INPP5D: variants seen among roughly 807,000 people sequenced by gnomAD.
INPP5D encodes phosphatidylinositol 3,4,5-trisphosphate 5-phosphatase 1.
A neutral mutation model predicts 122.9 loss-of-function variants in INPP5D; 33 were observed. The observed-to-expected ratio is 0.27, with a 90% CI of 0.20 to 0.36. The LOEUF is 0.36. INPP5D is among the 10% of genes least tolerant of loss of function. INPP5D has a pLI of 1.00. For missense variants in INPP5D, 1,053 were observed against 1,412.7 expected, an observed-to-expected ratio of 0.75 and a Z score of 4.08; for synonymous variants, 584 against 576.2, an observed-to-expected ratio of 1.01 and a Z score of -0.19.
At chr2:233,178,056 A>T (rs1409983846) in intron 18 of INPP5D, among the ~76,000 whole-genome samples, 1 of 152,164 alleles carries the variant, frequency 6.6e-6, no homozygotes. Context: ...TTTAACCATA[A>T]ATTGAGTTAA....
At chr2:233,122,828 G>A (rs1693030023) in intron 3 of INPP5D, among the ~76,000 whole-genome samples, 1 of 151,994 alleles carries the variant, frequency 6.6e-6, no homozygotes, top group African/African-American at 2.4e-5. Context: ...GAGAGAGAGA[G>A]AAAGAGACAG....
intron 2 of INPP5D, among the ~76,000 whole-genome samples, chr2:233,104,696 G>T (rs150104940): frequency 6.6e-6 from 1 of 152,314 alleles, no homozygotes; most frequent in East Asian, 1.9e-4. Context: ...GTGCTGAGAG[G>T]CTTGAGTTGA....
chr2:233,148,303 C>G (rs1693823010), intron 9 of INPP5D, among the ~76,000 whole-genome samples: 1 of 152,054 alleles, frequency 6.6e-6, no homozygotes. Flanking sequence ...GATGGATGAT[C>G]CAGCTATGAA....
chr2:233,201,166 C>T (rs1422149902), intron 25 of INPP5D, among the ~76,000 whole-genome samples: 1 of 152,094 alleles, frequency 6.6e-6, no homozygotes, highest in East Asian at 1.9e-4. Flanking sequence ...GGAGAAACAG[C>T]CTCAGTTTCC....
intron 13 of INPP5D, among the ~76,000 whole-genome samples, chr2:233,167,932 G>C (rs887670479): frequency 1.3e-5 from 2 of 149,116 alleles, no homozygotes; most frequent in East Asian, 4.0e-4. Context: ...TTGAACCTGG[G>C]AGACGGAGGT....
chr2:233,071,604 G>A (rs1353692354), intron 1 of INPP5D, among the ~76,000 whole-genome samples: 1 of 152,240 alleles, frequency 6.6e-6, no homozygotes. Flanking sequence ...GATTGGAATT[G>A]TACAAAATCC....
chr2:233,144,787 A>C (rs996532152), intron 6 of INPP5D, among the ~76,000 whole-genome samples: 1 of 151,768 alleles, frequency 6.6e-6, no homozygotes, highest in Non-Finnish European at 1.5e-5. Context: ...GTTGGTGGTG[A>C]TTGTGGTGGC....
chr2:233,063,515 G>A (rs944128832), intron 1 of INPP5D, among the ~76,000 whole-genome samples: 5 of 152,238 alleles, frequency 3.3e-5, no homozygotes, highest in Admixed American at 6.5e-5. Flanking sequence ...GGACTTGAGC[G>A]GGGGTTGGAC....
intron 1 of INPP5D, among the ~76,000 whole-genome samples, chr2:233,075,155 G>T (rs1427279230): frequency 1.3e-5 from 2 of 152,240 alleles, no homozygotes; most frequent in East Asian, 3.9e-4. Flanking sequence ...GAGTCACATG[G>T]GAAATTTGCT....
At chr2:233,117,833 G>A (rs1257513770) in intron 2 of INPP5D, among the ~76,000 whole-genome samples, 1 of 152,206 alleles carries the variant, frequency 6.6e-6, no homozygotes, top group Non-Finnish European at 1.5e-5. Context: ...AGTGAGGGCA[G>A]CTCCCCTGCT....
intron 2 of INPP5D, among the ~76,000 whole-genome samples, chr2:233,094,802 A>T (rs1692091034): frequency 6.6e-6 from 1 of 152,166 alleles, no homozygotes; most frequent in Non-Finnish European, 1.5e-5. Flanking sequence ...GGGGAATGGC[A>T]GTCAGTCTCA....
chr2:233,205,851 G>A lies in INPP5D; in HGVS notation c.3568-855G>A, dbSNP rs1440234657. On this transcript the variant is annotated intron_variant, in intron 26 of 26. Coordinates refer to ENST00000445964, the MANE Select transcript of INPP5D (RefSeq NM_001017915.3). The stretch of plus-strand genomic sequence containing the variant: ...CCCAGCATTTTGGGAGGCCGAGGTG[G>A]ATGGATCACCTGAGGTCAGGAGTTC... 2.0e-5 allele frequency among the ~76,000 whole-genome samples: 3 copies of A among 152,096 alleles called. No individual in the cohort carries two copies. The South Asian group carries it at 6.2e-4, about 32-fold the overall frequency.
At chr2:233,111,961 G>T (rs532978334) in intron 2 of INPP5D, among the ~76,000 whole-genome samples, 16 of 151,926 alleles carry the variant, frequency 1.1e-4, no homozygotes, top group East Asian at 5.8e-4. Flanking sequence ...TACTTGGGGG[G>T]GCTGAGGTGT....
intron 4 of INPP5D, among the ~76,000 whole-genome samples, chr2:233,126,183 G>T (rs892815000): frequency 5.9e-5 from 9 of 152,254 alleles, no homozygotes; most frequent in African/African-American, 2.2e-4. Flanking sequence ...GCCCGGCATA[G>T]TGTGGGCACT....
chr2:233,148,797 C>T (rs1045361573), intron 9 of INPP5D, among the ~76,000 whole-genome samples: 1 of 151,864 alleles, frequency 6.6e-6, no homozygotes. Flanking sequence ...AGTTTGCATC[C>T]CATGTCAGGT....
At chr2:233,089,257 T>C (rs1268466279) in intron 2 of INPP5D, among the ~76,000 whole-genome samples, 1 of 152,210 alleles carries the variant, frequency 6.6e-6, no homozygotes, top group Non-Finnish European at 1.5e-5. Flanking sequence ...TGGTTGCCTT[T>C]TGTTGAGCCC....
intron 1 of INPP5D, among the ~76,000 whole-genome samples, chr2:233,073,907 T>A (rs1483188302): frequency 6.6e-6 from 1 of 152,190 alleles, no homozygotes; most frequent in Non-Finnish European, 1.5e-5. Flanking sequence ...TATCTCAGTT[T>A]GCTCATTTTT....
At chr2:233,141,850 G>A (rs1693638116) in intron 6 of INPP5D, among the ~76,000 whole-genome samples, 1 of 152,100 alleles carries the variant, frequency 6.6e-6, no homozygotes, top group Admixed American at 6.5e-5. Flanking sequence ...GGGCCAAGGG[G>A]GATTTTGAGT....
At position 233,207,850 on chromosome 2, in the gene INPP5D, C is replaced by T. The variant is rs1054845311; in HGVS notation, c.*1142C>T. 6.6e-6 allele frequency: 1 copy of T among 152,360 alleles called. No homozygotes were observed. The highest frequency in any genetic ancestry group is 6.5e-5 in the Admixed American group (1 of 15,278). The allele number at this position is 152,360 out of a possible 1,614,324, so 9.4% of individuals were successfully genotyped here. A position where few individuals can be genotyped will look rare whatever the true frequency, so the allele number is the denominator to read the frequency against. On this transcript the variant is annotated 3_prime_UTR_variant, in exon 27 of 27. Transcript: ENST00000445964. The surrounding 1 kb of genome is among the most constrained non-coding windows in gnomAD (Gnocchi z 4.6). ...TGTGAATGCAGAAGGGAATGCACCC[C>T]ACATTCCCATGATGGAAGTCTGCGT...
Sources: gnomAD v4.1 joint callset for allele counts (sites outside exome capture counted in the v4.1 genomes callset) on GRCh38, gnomAD v4.1.1 for gene constraint, Gnocchi (gnomAD v3.1) non-coding constraint, MANE v1.5 for transcripts, NCBI Gene and HGNC (gene_info 2026-07-23, HGNC 2026-07-21) for gene names.